APBB2: variants seen among roughly 807,000 people sequenced by gnomAD.
The protein encoded by APBB2 is amyloid beta precursor protein binding family B member 2.
APBB2 carries 38 observed loss-of-function variants against 82.5 expected under a neutral mutation model. The observed-to-expected ratio is 0.46, with a 90% CI of 0.36 to 0.60. APBB2 has a LOEUF of 0.60. Ranked by LOEUF, APBB2 falls within the 20% of genes least tolerant of loss-of-function variation. APBB2 has a pLI of 0.00. For synonymous variants in APBB2, 341 were observed against 368.2 expected (o/e 0.93, Z 0.85); for missense variants, 772 against 972.3 (o/e 0.79, Z 2.74).
chr4:40,828,913 T>C (rs1043706559), intron 13 of APBB2, among the ~76,000 whole-genome samples: 35 of 152,210 alleles, frequency 2.3e-4, no homozygotes, highest in African/African-American at 7.2e-4. Context: ...GGCTTGGACC[T>C]CCTGCTCGGT....
chr4:41,192,529 A>T (rs578070995), intron 1 of APBB2, among the ~76,000 whole-genome samples: 63 of 152,312 alleles, frequency 4.1e-4, no homozygotes, highest in African/African-American at 1.4e-3. Context: ...GTGGTATTAT[A>T]CCAGACACGG....
chr4:40,834,993 T>G (rs1753376808), intron 12 of APBB2, among the ~76,000 whole-genome samples: 1 of 152,204 alleles, frequency 6.6e-6, no homozygotes, highest in African/African-American at 2.4e-5. Context: ...TTCAATTCAT[T>G]AAAGTCCGGG....
chr4:40,958,878 T>A (rs1792356190), intron 6 of APBB2, among the ~76,000 whole-genome samples: 1 of 152,202 alleles, frequency 6.6e-6, no homozygotes, highest in African/African-American at 2.4e-5. Context: ...AGTGTTGGGA[T>A]TACAGGCGTG....
intron 6 of APBB2, among the ~76,000 whole-genome samples, chr4:40,947,037 A>G (rs1156488266): frequency 6.6e-6 from 1 of 152,254 alleles, no homozygotes; most frequent in Non-Finnish European, 1.5e-5. Context: ...GGAGTGAAGC[A>G]TAATTAAATA....
At chr4:40,904,428 CAAATAAATAAATAAATAAAT>C (rs71198612) in intron 10 of APBB2, among the ~76,000 whole-genome samples, 18 of 144,286 alleles carry the variant, frequency 1.2e-4, no homozygotes, top group African/African-American at 4.6e-4. Flanking sequence ...GAGACTCCAT[CAAATAAATAAATAAATAAAT>C]AAATAAATAA....
At chr4:41,162,940 T>C (rs1319261897) in intron 1 of APBB2, among the ~76,000 whole-genome samples, 1 of 152,220 alleles carries the variant, frequency 6.6e-6, no homozygotes, top group Admixed American at 6.5e-5. Flanking sequence ...GTGTGTGGAA[T>C]AACAAGGTGA....
chr4:41,165,872 CTT>C (rs148637668), intron 1 of APBB2, among the ~76,000 whole-genome samples: 39 of 116,456 alleles, frequency 3.3e-4, no homozygotes, highest in Middle Eastern at 4.1e-3. Context: ...GTCAGGCCCC[CTT>C]TTTTTTTTTT....
At chr4:40,941,286 C>T (rs1298194992) in intron 7 of APBB2, among the ~76,000 whole-genome samples, 1 of 152,082 alleles carries the variant, frequency 6.6e-6, no homozygotes, top group East Asian at 1.9e-4. Context: ...TATTTAGGAA[C>T]CAAAGAAATG....
At chr4:41,058,110 T>TAAGA (rs1728480325) in intron 4 of APBB2, among the ~76,000 whole-genome samples, 1 of 152,192 alleles carries the variant, frequency 6.6e-6, no homozygotes, top group Non-Finnish European at 1.5e-5. Context: ...GTAGGCTTCT[T>TAAGA]TCCAGGGCAT....
intron 3 of APBB2, among the ~76,000 whole-genome samples, chr4:41,069,624 T>TG (rs1733148878): frequency 6.6e-6 from 1 of 152,222 alleles, no homozygotes; most frequent in African/African-American, 2.4e-5. Context: ...GCCTACTAAC[T>TG]GGAACACTCA....
chr4:41,106,094 T>C (rs1463156645), intron 2 of APBB2, among the ~76,000 whole-genome samples: 1 of 152,186 alleles, frequency 6.6e-6, no homozygotes, highest in Non-Finnish European at 1.5e-5. Context: ...ACATCTTAAA[T>C]TGCTTTAAGA....
chr4:41,169,856 G>T (rs887190567), intron 1 of APBB2, among the ~76,000 whole-genome samples: 1 of 119,592 alleles, frequency 8.4e-6, no homozygotes, highest in Admixed American at 7.3e-5. Flanking sequence ...TATTACTGTA[G>T]GTTTTTTTTT....
chr4:41,183,536 G>A (rs1772007942), intron 1 of APBB2, among the ~76,000 whole-genome samples: 2 of 152,060 alleles, frequency 1.3e-5, no homozygotes, highest in African/African-American at 4.8e-5. Context: ...GGAAAATTTG[G>A]ACACAGAGAC....
chr4:41,184,979 G>T (rs527333299), intron 1 of APBB2, among the ~76,000 whole-genome samples: 1 of 152,156 alleles, frequency 6.6e-6, no homozygotes, highest in African/African-American at 2.4e-5. Context: ...CCATTTCAGC[G>T]TCCGCCTGTG....
intron 2 of APBB2, among the ~76,000 whole-genome samples, chr4:41,141,629 G>A (rs1239351534): frequency 6.6e-6 from 1 of 152,120 alleles, no homozygotes; most frequent in Non-Finnish European, 1.5e-5. Flanking sequence ...TTTTCATGCT[G>A]TACCTGAGAC....
intron 1 of APBB2, among the ~76,000 whole-genome samples, chr4:41,166,008 G>A (rs1381063518): frequency 6.6e-6 from 1 of 151,762 alleles, no homozygotes; most frequent in African/African-American, 2.4e-5. Context: ...CGAGTAGCTG[G>A]GACTACAGGC....
intron 4 of APBB2, among the ~76,000 whole-genome samples, chr4:41,060,073 G>A: frequency 6.6e-6 from 1 of 152,042 alleles, no homozygotes; most frequent in East Asian, 1.9e-4. Flanking sequence ...AGAAAGTGGG[G>A]GATTTGCACA....
At chr4:40,894,601 G>A (rs1168181815) in intron 10 of APBB2, among the ~76,000 whole-genome samples, 5 of 152,164 alleles carry the variant, frequency 3.3e-5, no homozygotes, top group Admixed American at 2.0e-4. Context: ...TTGTGACGAG[G>A]GAATCTTTAA....
chr4:40,846,333 A>C (rs1055439300), intron 12 of APBB2, among the ~76,000 whole-genome samples: 24 of 150,292 alleles, frequency 1.6e-4, no homozygotes, highest in African/African-American at 5.9e-4. Flanking sequence ...CTCCAAAAAA[A>C]AAAAAAAAAA....
Sources: allele counts gnomAD v4.1 joint callset (sites outside exome capture counted in the v4.1 genomes callset), GRCh38; gene constraint gnomAD v4.1.1; transcripts MANE v1.5; gene names NCBI Gene and HGNC (gene_info 2026-07-23, HGNC 2026-07-21).